TRABD2B: variants seen among roughly 807,000 people sequenced by gnomAD.
The protein encoded by TRABD2B is metalloprotease TIKI2.
A neutral mutation model predicts 40.1 loss-of-function variants in TRABD2B; 14 were observed. That is an observed-to-expected ratio of 0.35 (90% CI 0.23 to 0.55). The LOEUF is 0.55. Among genes scored for constraint, TRABD2B ranks in the 20% least tolerant of loss-of-function variants. The pLI is 0.90. For missense variants in TRABD2B, 541 were observed against 648.6 expected (o/e 0.83, Z 1.80); for synonymous variants, 263 against 277.0 (o/e 0.95, Z 0.50).
rs528525929 is a variant in TRABD2B, at chr1:47,960,642, T to A, written c.666+33392A>T. Among the ~76,000 whole-genome samples, 105 of 152,132 alleles carry A rather than the reference T, an allele frequency of 6.9e-4. 1 individual carries two copies. The highest frequency in any genetic ancestry group is 2.5e-3 in the African/African-American group (103 of 41,492). Reference sequence around the variant, plus strand: ...ACAAAGAGAATAAAATACCTAGGAATCCAACTTAAAAGGGATGTGAAGGAC... The same window carrying A: ...ACAAAGAGAATAAAATACCTAGGAAACCAACTTAAAAGGGATGTGAAGGAC... On this transcript the variant is annotated intron_variant, in intron 2 of 6. Coordinates refer to ENST00000606738, the MANE Select transcript of TRABD2B (RefSeq NM_001194986.2).
chr1:47,997,311 A>G lies in TRABD2B; in HGVS notation c.-522T>C. 1.3e-6 allele frequency: 1 copy of G among 764,968 alleles called. No homozygotes were observed. The highest frequency in any genetic ancestry group is 1.6e-6 in the Non-Finnish European group (1 of 636,726). The allele number at this position is 764,968 out of a possible 1,614,324, so 47.4% of individuals were successfully genotyped here. On this transcript the variant is annotated 5_prime_UTR_variant, in exon 1 of 7. Coordinates refer to ENST00000606738, the MANE Select transcript of TRABD2B (RefSeq NM_001194986.2). ...CCGGCTGCCCCCGAGCCCGGCTCAGAGGGGCGGCGGGCGGCCGCGCGGCCG... is the reference window on the plus strand; with the variant it reads ...CCGGCTGCCCCCGAGCCCGGCTCAGGGGGGCGGCGGGCGGCCGCGCGGCCG...
intron 2 of TRABD2B, among the ~76,000 whole-genome samples, chr1:47,909,572 AGG>A (rs1448370558): frequency 5.8e-5 from 8 of 138,022 alleles, no homozygotes; most frequent in African/African-American, 1.9e-4. Context: ...GAGGAGGAGG[AGG>A]AGGAGGAGGA....
At chr1:47,954,309 G>T (rs1038539417) in intron 2 of TRABD2B, among the ~76,000 whole-genome samples, 6 of 152,094 alleles carry the variant, frequency 3.9e-5, no homozygotes, top group Admixed American at 1.3e-4. Context: ...CCAGGCCTCC[G>T]TTTACCCCAT....
chr1:47,942,914 C>T (rs1645206768), intron 2 of TRABD2B, among the ~76,000 whole-genome samples: 1 of 152,210 alleles, frequency 6.6e-6, no homozygotes, highest in Admixed American at 6.5e-5. Context: ...CAAGCATTTA[C>T]TGATTCGTCA....
At position 47,808,065 on chromosome 1, in the gene TRABD2B, TTAAATCAG is replaced by T. The variant is rs572053534; in HGVS notation, c.667-6454_667-6447del. Among the ~76,000 whole-genome samples the T allele has an allele frequency of 6.6e-4, 100 of 152,358 alleles. 1 individual carries two copies. The highest frequency in any genetic ancestry group is 2.3e-3 in the African/African-American group (97 of 41,596). ...GGTACTTTTTAGATGAGACTCATAT[TTAAATCAG>T]TAGGCTTTGAGATGCAGATTACCCT... On this transcript the variant is annotated intron_variant, in intron 2 of 6. Coordinates refer to ENST00000606738, the MANE Select transcript of TRABD2B (RefSeq NM_001194986.2).
At chr1:47,907,389 A>G (rs1644692984) in intron 2 of TRABD2B, among the ~76,000 whole-genome samples, 1 of 152,192 alleles carries the variant, frequency 6.6e-6, no homozygotes. Context: ...AAAACTTCTG[A>G]GAACAGGAAA....
intron 2 of TRABD2B, among the ~76,000 whole-genome samples, chr1:47,888,567 A>C (rs1280856523): frequency 1.3e-5 from 2 of 152,186 alleles, no homozygotes; most frequent in African/African-American, 4.8e-5. Flanking sequence ...TCACTTCTGT[A>C]GGGAAAATTC....
intron 2 of TRABD2B, among the ~76,000 whole-genome samples, chr1:47,846,857 T>TATACACACACACACAC (rs374941615): frequency 2.7e-4 from 29 of 106,480 alleles, no homozygotes; most frequent in Non-Finnish European, 3.9e-4. Flanking sequence ...AAAACATGCA[T>TATACACACACACACAC]ACACACACAC....
At chr1:47,824,055 C>T (rs968950868) in intron 2 of TRABD2B, among the ~76,000 whole-genome samples, 5 of 152,180 alleles carry the variant, frequency 3.3e-5, no homozygotes, top group African/African-American at 1.2e-4. Context: ...CACTGGCCTT[C>T]AGAGGAAAGT....
intron 2 of TRABD2B, among the ~76,000 whole-genome samples, chr1:47,916,108 T>C (rs1464260969): frequency 1.4e-5 from 2 of 142,084 alleles, no homozygotes; most frequent in Non-Finnish European, 3.1e-5. Context: ...GGAGCAGCAG[T>C]GGACAATGGC....
chr1:47,980,572 C>A (rs1645826807), intron 2 of TRABD2B, among the ~76,000 whole-genome samples: 1 of 152,198 alleles, frequency 6.6e-6, no homozygotes, highest in Non-Finnish European at 1.5e-5. Flanking sequence ...GCAAATTGAA[C>A]AGAGATTCCT....
At position 47,870,039 on chromosome 1, in the gene TRABD2B, C is replaced by T. The variant is rs2124587049; in HGVS notation, c.667-68420G>A. On this transcript the variant is annotated intron_variant, in intron 2 of 6. Transcript: ENST00000606738. The stretch of plus-strand genomic sequence containing the variant: ...GCGTCCCAAGAGCTGGACTGAAGAT[C>T]CCCATTTCTTACCTTGAATAATGAT... Among the ~76,000 whole-genome samples the T allele has an allele frequency of 1.3e-5, 2 of 152,308 alleles. 1 individual carries two copies. The highest frequency in any genetic ancestry group is 1.3e-4 in the Admixed American group (2 of 15,312).
In TRABD2B at chr1:47,778,532, C is replaced by T; in HGVS notation, c.1001G>A (p.Gly334Glu). The T allele has an allele frequency of 6.5e-7, 1 of 1,536,098 alleles. No individual in the cohort carries two copies. The highest frequency in any genetic ancestry group is 8.7e-7 in the Non-Finnish European group (1 of 1,146,862). ...CAGGATGTCGATGACTGTGTTGTTCCCCAGAAAGTGACCTGGAACACAAGT... is the reference window on the plus strand; with the variant it reads ...CAGGATGTCGATGACTGTGTTGTTCTCCAGAAAGTGACCTGGAACACAAGT... The part of the protein sequence containing the change: ...FFAFGAGHFL[G>E]NNTVIDILRQ... The change falls in exon 5 of 7, where the codon GGG becomes GAG. Residue 334 changes from glycine to glutamate, a missense_variant. By Grantham distance (98) the Gly-to-Glu change is moderately conservative. This residue lies in a region of TRABD2B where 369 missense variants were observed against 492.8 expected (regional missense o/e 0.75). Transcript: ENST00000606738.
chr1:47,964,309 C>G (rs1356551110), intron 2 of TRABD2B, among the ~76,000 whole-genome samples: 2 of 152,148 alleles, frequency 1.3e-5, no homozygotes, highest in Non-Finnish European at 2.9e-5. Flanking sequence ...TTAGCAGGTT[C>G]CAGACCCAAA....
Position 47,925,597 on chromosome 1 carries a change from A to G in TRABD2B, c.666+68437T>C, listed in dbSNP as rs535972893. ...GTAGTTTCTATTATCTCCATTTCAC[A>G]CAGTGCTGAAGATGCTGGAGCCTCA... On this transcript the variant is annotated intron_variant, in intron 2 of 6. Coordinates refer to ENST00000606738, the MANE Select transcript of TRABD2B (RefSeq NM_001194986.2). 9.1e-4 allele frequency among the ~76,000 whole-genome samples: 139 copies of G among 152,308 alleles called. 1 individual carries two copies. The highest frequency in any genetic ancestry group is 1.8e-3 in the Non-Finnish European group (124 of 68,030).
At chr1:47,893,131 T>A (rs1644472068) in intron 2 of TRABD2B, among the ~76,000 whole-genome samples, 2 of 152,192 alleles carry the variant, frequency 1.3e-5, no homozygotes, top group Non-Finnish European at 2.9e-5. Flanking sequence ...GTGGGTGTGT[T>A]TCATCTCCCC....
At chr1:47,840,784 T>C (rs1645386076) in intron 2 of TRABD2B, among the ~76,000 whole-genome samples, 1 of 152,218 alleles carries the variant, frequency 6.6e-6, no homozygotes, top group Admixed American at 6.5e-5. Flanking sequence ...TGGGGCGTGA[T>C]GACATTTCTC....
intron 5 of TRABD2B, among the ~76,000 whole-genome samples, chr1:47,777,623 A>G (rs1255912559): frequency 6.6e-6 from 1 of 152,236 alleles, no homozygotes; most frequent in Non-Finnish European, 1.5e-5. Context: ...AGATTAAATG[A>G]GTTAAAAGGT....
chr1:47,781,021 T>C (rs1336375025), intron 4 of TRABD2B, among the ~76,000 whole-genome samples: 1 of 152,168 alleles, frequency 6.6e-6, no homozygotes, highest in Non-Finnish European at 1.5e-5. Flanking sequence ...GAAGTGGATG[T>C]CCCTTGGAAA....
Sources: gnomAD v4.1 joint callset for allele counts (sites outside exome capture counted in the v4.1 genomes callset) on GRCh38, gnomAD v4.1.1 for gene constraint, gnomAD v4.1.1 regional missense constraint, MANE v1.5 for transcripts, NCBI Gene and HGNC (gene_info 2026-07-23, HGNC 2026-07-21) for gene names.